Variants in LPP observed in about 807,000 individuals in gnomAD.
The protein encoded by LPP is lipoma-preferred partner.
A neutral mutation model predicts 60.4 loss-of-function variants in LPP; 38 were observed. The observed-to-expected ratio is 0.63, with a 90% CI of 0.49 to 0.83. LPP has a LOEUF of 0.83. Among genes scored for constraint, LPP ranks in the 40% least tolerant of loss-of-function variants. LPP has a pLI of 0.00. For synonymous variants in LPP, 328 were observed against 290.8 expected (o/e 1.13, Z -1.30); for missense variants, 902 against 783.6 (o/e 1.15, Z -1.80).
chr3:188,738,584 T>A (rs987881435), intron 8 of LPP, among the ~76,000 whole-genome samples: 1 of 152,188 alleles, frequency 6.6e-6, no homozygotes, highest in African/African-American at 2.4e-5. Flanking sequence ...ATATGTGCAA[T>A]GGATCCCTAT....
intron 6 of LPP, among the ~76,000 whole-genome samples, chr3:188,530,654 A>G (rs918121352): frequency 2.2e-4 from 34 of 152,214 alleles, no homozygotes; most frequent in African/African-American, 8.0e-4. Context: ...GATAACCACG[A>G]CCAGGGGAGA....
At chr3:188,393,319 CCTT>C (rs753925511) in intron 3 of LPP, among the ~76,000 whole-genome samples, 4 of 152,062 alleles carry the variant, frequency 2.6e-5, no homozygotes, top group Non-Finnish European at 4.4e-5. Flanking sequence ...TACCTTCTTT[CCTT>C]CTTAAGAGCA....
intron 6 of LPP, among the ~76,000 whole-genome samples, chr3:188,558,454 C>T (rs1465961891): frequency 1.3e-5 from 2 of 152,056 alleles, no homozygotes; most frequent in Non-Finnish European, 2.9e-5. Context: ...ACACTTGTCA[C>T]ATATATACCC....
intron 6 of LPP, chr3:188,568,255 G>A (rs568738300): frequency 2.6e-5 from 4 of 152,042 alleles, no homozygotes; most frequent in Admixed American, 2.6e-4. Context: ...CTCCACGATA[G>A]GGATGCAAGC....
intron 9 of LPP, among the ~76,000 whole-genome samples, chr3:188,813,906 C>T (rs1309599480): frequency 6.6e-6 from 1 of 151,990 alleles, no homozygotes; most frequent in Non-Finnish European, 1.5e-5. Flanking sequence ...CCTGTCTCTA[C>T]TAAAAACACA....
At chr3:188,347,419 G>T (rs1764694837) in intron 3 of LPP, among the ~76,000 whole-genome samples, 1 of 152,124 alleles carries the variant, frequency 6.6e-6, no homozygotes, top group Non-Finnish European at 1.5e-5. Context: ...GCATAACTCA[G>T]TTTTTTTCTT....
chr3:188,750,191 G>A (rs62291300), intron 8 of LPP, among the ~76,000 whole-genome samples: 7,725 of 152,276 alleles, frequency 0.051, 232 homozygotes, highest in Non-Finnish European at 0.07. Context: ...AGAGAAGCCC[G>A]TATGGCCTGA....
intron 8 of LPP, among the ~76,000 whole-genome samples, chr3:188,745,563 C>T (rs1049804116): frequency 1.2e-4 from 18 of 152,166 alleles, no homozygotes; most frequent in African/African-American, 4.1e-4. Context: ...TTTGTGAAAA[C>T]AACCTCAATG....
intron 1 of LPP, among the ~76,000 whole-genome samples, chr3:188,194,548 A>G (rs1167573312): frequency 2.0e-5 from 3 of 152,348 alleles, no homozygotes; most frequent in Middle Eastern, 3.4e-3. Flanking sequence ...GCGATGACTC[A>G]GGGAAAACCT....
intron 7 of LPP, among the ~76,000 whole-genome samples, chr3:188,621,127 G>A (rs1023274688): frequency 1.4e-5 from 2 of 145,814 alleles, no homozygotes; most frequent in African/African-American, 2.5e-5. Context: ...TTTGAAAAAA[G>A]CAATTTTATT....
intron 2 of LPP, among the ~76,000 whole-genome samples, chr3:188,325,068 C>T (rs1304411423): frequency 1.3e-5 from 2 of 152,022 alleles, no homozygotes; most frequent in Non-Finnish European, 2.9e-5. Flanking sequence ...GCAGCCTCCA[C>T]CTTCTGGGTT....
chr3:188,626,310 A>T (rs1461375017), intron 7 of LPP, among the ~76,000 whole-genome samples: 1 of 152,212 alleles, frequency 6.6e-6, no homozygotes, highest in East Asian at 1.9e-4. Context: ...TTTACATTGT[A>T]TTGGGTATTT....
In LPP at chr3:188,876,240, C is replaced by T. The variant is rs1769241097; in HGVS notation, c.*1761C>T. The T allele has an allele frequency of 5.4e-6, 1 of 186,402 alleles. No individual in the cohort carries two copies. The highest frequency in any genetic ancestry group is 6.2e-5 in the Admixed American group (1 of 16,092). 11.5% of individuals were successfully genotyped at this position (186,402 alleles called of 1,614,324 possible). On this transcript the variant is annotated 3_prime_UTR_variant, in exon 12 of 12. Coordinates refer to ENST00000617246, the MANE Select transcript of LPP (RefSeq NM_001375462.1). ...AGGAATTCCAATTAAATTTATTTTA[C>T]TTGAATAGGAATGATCATAAAAGTG...
rs1186765029 is a variant in LPP, at chr3:188,487,406, G to T, written c.306+2702G>T. Among the ~76,000 whole-genome samples, 6 of 152,312 alleles carry T rather than the reference G, an allele frequency of 3.9e-5. No individual in the cohort carries two copies. The South Asian group carries it at 8.3e-4, about 21-fold the overall frequency. ...GAAGAATTTTTTTCAGGTGGACCTT[G>T]TTCTGTTAGATGTACTCAAGCCGTG... On this transcript the variant is annotated intron_variant, in intron 5 of 11. Transcript: ENST00000617246.
At chr3:188,819,926 A>T (rs1379791820) in intron 9 of LPP, among the ~76,000 whole-genome samples, 19 of 152,112 alleles carry the variant, frequency 1.2e-4, no homozygotes, top group Admixed American at 1.2e-3. Flanking sequence ...CAGTTTGAAA[A>T]CCGAAGCAAT....
At chr3:188,523,018 C>T (rs1370596057) in intron 5 of LPP, among the ~76,000 whole-genome samples, 1 of 151,886 alleles carries the variant, frequency 6.6e-6, no homozygotes, top group African/African-American at 2.4e-5. Flanking sequence ...AGCTATTCTC[C>T]TGCCTCAGCC....
In LPP at chr3:188,757,565, G is replaced by A. The variant is rs577968473; in HGVS notation, c.1241-2548G>A. Among the ~76,000 whole-genome samples, 78 of 152,262 alleles carry A rather than the reference G, an allele frequency of 5.1e-4. 2 individuals are homozygous for A. The highest frequency in any genetic ancestry group is 1.8e-3 in the African/African-American group (75 of 41,554). ...GTTTAATGAGAACTACTTTTTTAGG[G>A]GACGGGGGGAAGTGTGGTCCACAGA... is the stretch of plus-strand genomic sequence containing the variant. On this transcript the variant is annotated intron_variant, in intron 8 of 11. Coordinates refer to ENST00000617246, the MANE Select transcript of LPP (RefSeq NM_001375462.1).
At chr3:188,483,380 G>A (rs1246188163) in intron 4 of LPP, among the ~76,000 whole-genome samples, 1 of 152,060 alleles carries the variant, frequency 6.6e-6, no homozygotes, top group African/African-American at 2.4e-5. Context: ...ATATCCAAAA[G>A]CAACTCACTT....
At chr3:188,831,638 A>G (rs776643472) in intron 9 of LPP, among the ~76,000 whole-genome samples, 7 of 152,222 alleles carry the variant, frequency 4.6e-5, no homozygotes, top group Non-Finnish European at 1.0e-4. Flanking sequence ...GTGGACACCC[A>G]GGTTAAAGAG....
Sources: gnomAD v4.1 joint callset for allele counts (sites outside exome capture counted in the v4.1 genomes callset) on GRCh38, gnomAD v4.1.1 for gene constraint, MANE v1.5 for transcripts, NCBI Gene and HGNC (gene_info 2026-07-23, HGNC 2026-07-21) for gene names.